TENM4: variants seen among roughly 807,000 people sequenced by gnomAD.
The protein encoded by TENM4 is teneurin-4.
In TENM4, 82 loss-of-function variants were observed where a neutral mutation model predicts 243.3. The ratio of observed to expected loss-of-function variants is 0.34; its 90% confidence interval spans 0.28 to 0.40. The LOEUF (loss-of-function observed/expected upper bound fraction) is 0.40, where lower values mean the gene tolerates loss of function less well. TENM4 is among the 10% of genes least tolerant of loss of function. TENM4 has a pLI of 1.00. For missense variants in TENM4, 3,138 were observed against 3,673.3 expected (o/e 0.85, Z 3.77); for synonymous variants, 1,412 against 1,456.3 (o/e 0.97, Z 0.69).
chr11:78,745,893 A>G (rs908914195), intron 19 of TENM4, among the ~76,000 whole-genome samples: 3 of 152,172 alleles, frequency 2.0e-5, no homozygotes, highest in Non-Finnish European at 2.9e-5. Context: ...AGCTCATCCT[A>G]TATTTACCAT....
chr11:79,375,493 A>T (rs1857873915), intron 1 of TENM4, among the ~76,000 whole-genome samples: 1 of 152,210 alleles, frequency 6.6e-6, no homozygotes, highest in Non-Finnish European at 1.5e-5. Context: ...AATGCACTGA[A>T]AACTTATTTA....
intron 27 of TENM4, among the ~76,000 whole-genome samples, chr11:78,707,271 C>A (rs1859280338): frequency 6.6e-6 from 1 of 152,222 alleles, no homozygotes; most frequent in African/African-American, 2.4e-5. Context: ...CAAGATTCAG[C>A]ACAGGCCACT....
At chr11:79,340,800 T>C (rs1273841889) in intron 1 of TENM4, among the ~76,000 whole-genome samples, 1 of 151,988 alleles carries the variant, frequency 6.6e-6, no homozygotes, top group Admixed American at 6.6e-5. Flanking sequence ...GTCCCTGCAC[T>C]CCCTCCCCTG....
intron 6 of TENM4, among the ~76,000 whole-genome samples, chr11:79,061,870 T>G (rs978234343): frequency 2.0e-5 from 3 of 152,082 alleles, no homozygotes; most frequent in African/African-American, 7.2e-5. Context: ...ATGGGGATAA[T>G]AAAACCTTCT....
chr11:79,333,036 G>T (rs1367597579), intron 1 of TENM4, among the ~76,000 whole-genome samples: 1 of 152,138 alleles, frequency 6.6e-6, no homozygotes, highest in Non-Finnish European at 1.5e-5. Flanking sequence ...ACACCTCCAA[G>T]GCAGGAAGTT....
chr11:79,414,351 C>A (rs1295927941), intron 1 of TENM4, among the ~76,000 whole-genome samples: 3 of 152,182 alleles, frequency 2.0e-5, no homozygotes, highest in East Asian at 1.9e-4. Flanking sequence ...TCTTGAGAAG[C>A]CACTGAACTA....
intron 3 of TENM4, among the ~76,000 whole-genome samples, chr11:79,212,665 G>C (rs546814401): frequency 6.6e-6 from 1 of 152,098 alleles, no homozygotes; most frequent in African/African-American, 2.4e-5. Context: ...AGGTGAGGCC[G>C]TGTGAAGCTA....
chr11:79,164,947 C>CTATA (rs59917804), intron 3 of TENM4, among the ~76,000 whole-genome samples: 3,337 of 138,506 alleles, frequency 0.024, 61 homozygotes, highest in African/African-American at 0.043. Context: ...TGGACTAATA[C>CTATA]TATATATATA....
intron 15 of TENM4, among the ~76,000 whole-genome samples, chr11:78,787,489 T>C (rs1267951071): frequency 6.6e-6 from 1 of 152,178 alleles, no homozygotes; most frequent in Non-Finnish European, 1.5e-5. Flanking sequence ...AAACCAGTTA[T>C]GTGTGAAAAC....
intron 6 of TENM4, among the ~76,000 whole-genome samples, chr11:79,058,802 G>T (rs924138430): frequency 7.9e-5 from 12 of 152,174 alleles, no homozygotes; most frequent in Non-Finnish European, 1.5e-4. Context: ...CCTCTTGGGA[G>T]CCTGGGGGCA....
intron 1 of TENM4, among the ~76,000 whole-genome samples, chr11:79,347,115 T>G (rs983130548): frequency 8.5e-5 from 13 of 152,216 alleles, no homozygotes; most frequent in Non-Finnish European, 1.5e-5. Context: ...GGTGGCATTA[T>G]TAAGGGTTGG....
chr11:78,807,456 C>T (rs1344275523), intron 14 of TENM4, among the ~76,000 whole-genome samples: 2 of 152,158 alleles, frequency 1.3e-5, no homozygotes, highest in Non-Finnish European at 2.9e-5. Context: ...TAACAGAGAC[C>T]TCTAATCTTC....
chr11:78,688,308 G>T, intron 28 of TENM4, 82 bp from the exon 29 acceptor site: 1 of 1,456,810 alleles, frequency 6.9e-7, no homozygotes, highest in Non-Finnish European at 9.3e-7. Context: ...CTCATGCCAT[G>T]GTTTTGCTGT....
At chr11:78,902,979 CA>C (rs1393714075) in intron 7 of TENM4, among the ~76,000 whole-genome samples, 1 of 152,188 alleles carries the variant, frequency 6.6e-6, no homozygotes, top group African/African-American at 2.4e-5. Context: ...ACATCATGGC[CA>C]TTGTGTAGAT....
At chr11:78,661,778 A>G (rs1375201905) in intron 32 of TENM4, among the ~76,000 whole-genome samples, 187 bp from the exon 33 acceptor site, 1 of 152,152 alleles carries the variant, frequency 6.6e-6, no homozygotes, top group Non-Finnish European at 1.5e-5. Context: ...GGACCCAGCA[A>G]TCCCCATCCC....
At chr11:78,778,168 T>C (rs1211075859) in intron 17 of TENM4, among the ~76,000 whole-genome samples, 2 of 152,132 alleles carry the variant, frequency 1.3e-5, no homozygotes, top group African/African-American at 4.8e-5. Flanking sequence ...TACTAGAAAG[T>C]AGTCCTTAAA....
At chr11:79,118,762 C>T (rs1042195805) in intron 4 of TENM4, among the ~76,000 whole-genome samples, 1 of 152,138 alleles carries the variant, frequency 6.6e-6, no homozygotes, top group African/African-American at 2.4e-5. Context: ...AATAATACTT[C>T]GTTGCATATA....
intron 4 of TENM4, among the ~76,000 whole-genome samples, chr11:79,106,124 T>C (rs1040979603): frequency 3.3e-5 from 5 of 152,188 alleles, no homozygotes; most frequent in African/African-American, 1.2e-4. Context: ...ATCTCCTTTT[T>C]ATAGACCAGG....
chr11:79,292,546 C>T (rs1856374319), intron 2 of TENM4, among the ~76,000 whole-genome samples: 1 of 152,208 alleles, frequency 6.6e-6, no homozygotes, highest in African/African-American at 2.4e-5. Flanking sequence ...AAATGGAAAC[C>T]TCTCATAGCC....
Sources: gnomAD v4.1 joint callset for allele counts (sites outside exome capture counted in the v4.1 genomes callset) on GRCh38, gnomAD v4.1.1 for gene constraint, MANE v1.5 for transcripts, NCBI Gene and HGNC (gene_info 2026-07-23, HGNC 2026-07-21) for gene names.